PDE1C: variants seen among roughly 807,000 people sequenced by gnomAD.
PDE1C encodes dual specificity calcium/calmodulin-dependent 3',5'-cyclic nucleotide phosphodiesterase 1C.
PDE1C carries 62 observed loss-of-function variants against 93.1 expected under a neutral mutation model. That is an observed-to-expected ratio of 0.67 (90% CI 0.54 to 0.82). The LOEUF (loss-of-function observed/expected upper bound fraction) is 0.82. Among genes scored for constraint, PDE1C ranks in the 40% least tolerant of loss-of-function variants. PDE1C has a pLI of 0.00. For synonymous variants in PDE1C, 325 were observed against 310.1 expected, an observed-to-expected ratio of 1.05 and a Z score of -0.50; for missense variants, 742 against 884.6, an observed-to-expected ratio of 0.84 and a Z score of 2.04.
intron 1 of PDE1C, among the ~76,000 whole-genome samples, chr7:32,391,623 G>A (rs778339298): frequency 7.9e-5 from 12 of 152,034 alleles, no homozygotes; most frequent in Non-Finnish European, 1.6e-4. Flanking sequence ...ATTTTAAAAG[G>A]TTGAAAGTAT....
At chr7:32,208,907 A>T (rs1251291093) in intron 2 of PDE1C, among the ~76,000 whole-genome samples, 1 of 152,216 alleles carries the variant, frequency 6.6e-6, no homozygotes, top group Non-Finnish European at 1.5e-5. Context: ...CCAATGCCTA[A>T]GGAAACCCAT....
At chr7:32,055,469 C>T (rs906623026) in intron 1 of PDE1C, among the ~76,000 whole-genome samples, 15 of 152,122 alleles carry the variant, frequency 9.9e-5, no homozygotes, top group Admixed American at 3.9e-4. Flanking sequence ...GTGGCTGAGA[C>T]AGAAGGCAAA....
At position 32,212,595 on chromosome 7, in the gene PDE1C, A is replaced by G. The variant is rs545804638; in HGVS notation, c.86-3056T>C. ...AGAGCATACTCCAGCACTCGGTCAC[A>G]TGCGCTAGATGGACAATCCCACACA... On this transcript the variant is annotated intron_variant, in intron 1 of 18. Transcript: ENST00000396193. Among the ~76,000 whole-genome samples the G allele has an allele frequency of 3.3e-5, 5 of 152,234 alleles. No homozygotes were observed. In the South Asian group the frequency reaches 1.0e-3, roughly 32 times the overall value.
chr7:31,989,523 G>A (rs547949862), intron 2 of PDE1C, among the ~76,000 whole-genome samples: 69 of 152,066 alleles, frequency 4.5e-4, no homozygotes, highest in African/African-American at 1.7e-3. Flanking sequence ...TCTTCCATTT[G>A]GCGTATATAT....
intron 17 of PDE1C, among the ~76,000 whole-genome samples, chr7:31,769,102 C>CT (rs374820977): frequency 4.6e-5 from 7 of 152,158 alleles, no homozygotes; most frequent in Admixed American, 2.6e-4. Context: ...GGCCTTAACA[C>CT]TTTTTTTAAT....
chr7:31,742,166 C>T, the PDE1C span, among the ~76,000 whole-genome samples: 8 of 152,268 alleles, frequency 5.3e-5, 1 homozygote, highest in South Asian at 8.3e-4. Context: ...AATGAGTACA[C>T]GCATCCTGCA....
At chr7:32,082,193 G>T (rs1335756707) in intron 3 of PDE1C, among the ~76,000 whole-genome samples, 1 of 152,262 alleles carries the variant, frequency 6.6e-6, no homozygotes, top group Admixed American at 6.5e-5. Context: ...TTAAAAAACG[G>T]TGCACCAGGA....
At chr7:32,386,792 T>TG (rs1784634655) in intron 1 of PDE1C, among the ~76,000 whole-genome samples, 1 of 151,976 alleles carries the variant, frequency 6.6e-6, no homozygotes, top group Non-Finnish European at 1.5e-5. Context: ...ACACAGGCTT[T>TG]GGAAGAACAT....
chr7:31,628,927 T>A, the PDE1C span, among the ~76,000 whole-genome samples: 1 of 152,092 alleles, frequency 6.6e-6, no homozygotes, highest in Non-Finnish European at 1.5e-5. Flanking sequence ...CCAGCTAGCT[T>A]CACAAGAGGA....
chr7:32,182,834 C>T (rs1377996478), intron 2 of PDE1C, among the ~76,000 whole-genome samples: 15 of 152,186 alleles, frequency 9.9e-5, no homozygotes, highest in African/African-American at 3.6e-4. Context: ...AAAGGGTATT[C>T]AATTAGGAAA....
At chr7:32,107,102 C>T (rs973061826) in intron 3 of PDE1C, among the ~76,000 whole-genome samples, 4 of 150,618 alleles carry the variant, frequency 2.7e-5, no homozygotes, top group Middle Eastern at 3.4e-3. Context: ...AATCAGTGAG[C>T]TCAAATATAT....
chr7:32,069,490 G>C (rs1795774424), intron 1 of PDE1C, among the ~76,000 whole-genome samples: 1 of 152,110 alleles, frequency 6.6e-6, no homozygotes, highest in Non-Finnish European at 1.5e-5. Flanking sequence ...TGACTGAGGA[G>C]CAAGCTGTGA....
chr7:31,881,959 G>A (rs1352911409), intron 2 of PDE1C, among the ~76,000 whole-genome samples: 6 of 152,212 alleles, frequency 3.9e-5, no homozygotes, highest in Admixed American at 2.0e-4. Flanking sequence ...TCCACTTCCC[G>A]TTGGTATACG....
At chr7:32,027,006 T>C (rs1483521481) in intron 2 of PDE1C, among the ~76,000 whole-genome samples, 1 of 151,868 alleles carries the variant, frequency 6.6e-6, no homozygotes, top group Non-Finnish European at 1.5e-5. Flanking sequence ...TTGCCAGGGG[T>C]TTGGAGGAGG....
At chr7:32,211,790 G>A (rs1257407380) in intron 1 of PDE1C, among the ~76,000 whole-genome samples, 4 of 152,024 alleles carry the variant, frequency 2.6e-5, no homozygotes, top group African/African-American at 7.2e-5. Context: ...GGGAGGCTGA[G>A]GCAGGAGGAA....
chr7:32,240,890 AAGGTGGTGAGACATGATCCACTTC>A lies in PDE1C; in HGVS notation c.86-31375_86-31352del, dbSNP rs1808498200. Among the ~76,000 whole-genome samples, 8 of 152,336 alleles carry A rather than the reference AAGGTGGTGAGACATGATCCACTTC, an allele frequency of 5.3e-5. No individual in the cohort carries two copies. In the South Asian group the frequency reaches 1.5e-3, roughly 28 times the overall value. On this transcript the variant is annotated intron_variant, in intron 1 of 18. Transcript: ENST00000396193. Reference sequence around the variant, plus strand: ...GCGATTTGGTCAAAAAGGAGAGCTGAAGGTGGTGAGACATGATCCACTTCAGGATTATGGGTGGGACAACAGAAT... The same window carrying A: ...GCGATTTGGTCAAAAAGGAGAGCTGAAGGATTATGGGTGGGACAACAGAAT...
chr7:31,808,525 G>A (rs1787137289), intron 16 of PDE1C, among the ~76,000 whole-genome samples: 1 of 151,836 alleles, frequency 6.6e-6, no homozygotes, highest in South Asian at 2.1e-4. Context: ...TGGCAAAACT[G>A]TATTTTACAA....
At chr7:32,013,753 T>C (rs1044671421) in intron 2 of PDE1C, among the ~76,000 whole-genome samples, 4 of 152,220 alleles carry the variant, frequency 2.6e-5, no homozygotes, top group Non-Finnish European at 4.4e-5. Flanking sequence ...GATTTATTTA[T>C]TGTGGCTAGC....
intron 9 of PDE1C, among the ~76,000 whole-genome samples, chr7:31,842,520 T>G (rs952558381): frequency 3.4e-4 from 51 of 152,218 alleles, no homozygotes; most frequent in African/African-American, 1.2e-3. Context: ...TTTTGGTAAG[T>G]TGTATTTTGC....
Sources: gnomAD v4.1 joint callset for allele counts (sites outside exome capture counted in the v4.1 genomes callset) on GRCh38, gnomAD v4.1.1 for gene constraint, MANE v1.5 for transcripts, NCBI Gene and HGNC (gene_info 2026-07-23, HGNC 2026-07-21) for gene names.